The following ZSCAN10 variants were observed in gnomAD, a reference collection of about 807,000 sequenced individuals.
ZSCAN10 encodes the protein zinc finger and SCAN domain-containing protein 10.
Under a neutral mutation model 63.7 loss-of-function variants are expected in ZSCAN10, and 52 were observed. The ratio of observed to expected loss-of-function variants is 0.82; its 90% CI spans 0.65 to 1.03. The LOEUF (loss-of-function observed/expected upper bound fraction) is 1.03, where lower values mean the gene tolerates loss of function less well. Among genes scored for constraint, ZSCAN10 ranks in the 50% least tolerant of loss-of-function variants. The pLI is 0.00. For synonymous variants in ZSCAN10, 544 were observed against 479.6 expected, an observed-to-expected ratio of 1.13 and a Z score of -1.76; for missense variants, 1,223 against 1,103.8, an observed-to-expected ratio of 1.11 and a Z score of -1.53.
At chr16:3,093,772 C>A (rs920707387) in intron 1 of ZSCAN10, among the ~76,000 whole-genome samples, 2 of 150,840 alleles carry the variant, frequency 1.3e-5, no homozygotes. Context: ...CCTCCACCTC[C>A]CAGGTTCAAG....
rs1164256960 is a variant in ZSCAN10 at position 3,089,299 on chromosome 16, T to C, written c.2135A>G (p.His712Arg). The C allele has an allele frequency of 1.3e-6, 2 of 1,569,034 alleles. No individual in the cohort carries two copies. Among genetic ancestry groups the C allele is most frequent in the African/African-American group, 1.4e-5 (1 of 73,680 alleles). The change falls in exon 6 of 6, where the codon CAT becomes CGT. Residue 712 changes from histidine (H) to arginine (R), a missense_variant. Coordinates refer to ENST00000576985, the MANE Select transcript of ZSCAN10 (RefSeq NM_032805.3). ...GGCCTGCTCCTGCCCGGGCTCCGCA[T>C]GGGTAGCCAGGTGCCGCCGCAGATG... ...NAHLRRHLATHAEPGQEQAEP... is the reference protein window; with the variant it reads ...NAHLRRHLATRAEPGQEQAEP...
At chr16:3,097,293 G>A (rs1224195417) in intron 1 of ZSCAN10, among the ~76,000 whole-genome samples, 1 of 151,990 alleles carries the variant, frequency 6.6e-6, no homozygotes, top group Non-Finnish European at 1.5e-5. Context: ...GGTGATTCTA[G>A]AACATGACCC....
intron 4 of ZSCAN10, 61 bp downstream of exon 4, chr16:3,091,703 A>T: frequency 6.2e-7 from 1 of 1,603,736 alleles, no homozygotes; most frequent in Non-Finnish European, 8.5e-7. Context: ...GGATTTGCTA[A>T]AACTACAGGG....
chr16:3,097,820 A>G (rs1957171243), intron 1 of ZSCAN10, among the ~76,000 whole-genome samples: 1 of 152,188 alleles, frequency 6.6e-6, no homozygotes, highest in African/African-American at 2.4e-5. Flanking sequence ...GATTCTGGCC[A>G]TCTCGAAGGA....
rs1451123282 is a variant in ZSCAN10, at chr16:3,090,202, T to C, written c.1232A>G (p.His411Arg). 1 of 1,605,696 alleles carries C rather than the reference T, an allele frequency of 6.2e-7. No individual in the cohort carries two copies. Among genetic ancestry groups the C allele is most frequent in the Non-Finnish European group, 8.5e-7 (1 of 1,179,208 alleles). Reference sequence around the variant, plus strand: ...CAGGTGCGAGCTCTGGCGGAAGCGGTGGCCGCACAGGTGGCAGGCGTGCGG... The same window carrying C: ...CAGGTGCGAGCTCTGGCGGAAGCGGCGGCCGCACAGGTGGCAGGCGTGCGG... ...ERPHACHLCG[H>R]RFRQSSHLSK... Residue 411 changes from histidine (H) to arginine (R), a missense_variant, in exon 6 of 6, where the codon CAC (histidine) becomes CGC (arginine). Coordinates refer to ENST00000576985, the MANE Select transcript of ZSCAN10 (RefSeq NM_032805.3).
intron 3 of ZSCAN10, 26 bp from the exon 4 acceptor site, chr16:3,091,854 G>T (rs970650748): frequency 1.6e-5 from 25 of 1,576,878 alleles, no homozygotes; most frequent in Non-Finnish European, 2.2e-5. Context: ...AAGAGGGGAG[G>T]AAGTGCTGTT....
chr16:3,089,859 G>T lies in ZSCAN10; in HGVS notation c.1575C>A (p.Ser525Arg), dbSNP rs755753303. The change falls in exon 6 of 6, where the codon AGC (serine) becomes AGA (arginine). Residue 525 changes from serine to arginine, a missense_variant. By Grantham distance (110) the Ser-to-Arg change is moderately radical (BLOSUM62 -1). Coordinates refer to ENST00000576985, the MANE Select transcript of ZSCAN10 (RefSeq NM_032805.3). ...TGCGCCGGAAGGCCTTGCCGCAGTC[G>T]CTGCACACGAAGGGCCTCCGGTCGG... The part of the protein sequence containing the change: ...RDSDRRPFVC[S>R]DCGKAFRRSE... The T allele has an allele frequency of 6.5e-7, 1 of 1,542,038 alleles. No homozygotes were observed. The highest frequency in any genetic ancestry group is 2.4e-5 in the East Asian group (1 of 41,310).
intron 1 of ZSCAN10, among the ~76,000 whole-genome samples, chr16:3,098,258 C>A (rs995199661): frequency 6.6e-6 from 1 of 151,964 alleles, no homozygotes; most frequent in African/African-American, 2.4e-5. Context: ...CCCAGTCCAG[C>A]CCACGCACGA....
At chr16:3,093,514 CAAAA>C (rs544794714) in intron 1 of ZSCAN10, among the ~76,000 whole-genome samples, 4 of 90,344 alleles carry the variant, frequency 4.4e-5, no homozygotes, top group African/African-American at 4.0e-5. Flanking sequence ...AGACTCAGAT[CAAAA>C]AAAAAAAAAA....
intron 1 of ZSCAN10, among the ~76,000 whole-genome samples, chr16:3,095,172 G>A (rs948828300): frequency 6.6e-6 from 1 of 150,826 alleles, no homozygotes; most frequent in African/African-American, 2.4e-5. Context: ...TGAGCCTCAG[G>A]AGTTCAAGAC....
chr16:3,092,445 T>C (rs1957095285), intron 2 of ZSCAN10, 97 bp downstream of exon 2: 2 of 1,479,950 alleles, frequency 1.4e-6, no homozygotes, highest in Non-Finnish European at 1.8e-6. Context: ...GAAGGAATGG[T>C]CAGGTGGGGG....
At chr16:3,091,632 A>C in intron 4 of ZSCAN10, 35 bp from the exon 5 acceptor site, 2 of 1,613,642 alleles carry the variant, frequency 1.2e-6, no homozygotes, top group Non-Finnish European at 1.7e-6. Context: ...GTGAGTGAGG[A>C]ACATGCCTCA....
chr16:3,091,834 G>T lies in ZSCAN10; in HGVS notation c.665-6C>A, dbSNP rs575104118. ...TGGTGAGGGGCCCTGGGGACCTGAC[G>T]GCATTGGGGAAGAGGGGAGGAAGTG... On this transcript the variant is annotated splice_region_variant and splice_polypyrimidine_tract_variant and intron_variant, in intron 3 of 5. Coordinates refer to ENST00000576985, the MANE Select transcript of ZSCAN10 (RefSeq NM_032805.3). The T allele has an allele frequency of 6.4e-7, 1 of 1,573,222 alleles. No homozygotes were observed. The highest frequency in any genetic ancestry group is 8.6e-7 in the Non-Finnish European group (1 of 1,159,422).
intron 2 of ZSCAN10, 40 bp from the exon 3 acceptor site, chr16:3,092,356 G>A: frequency 6.4e-7 from 1 of 1,560,728 alleles, no homozygotes. Flanking sequence ...TCCCGGGGTG[G>A]CAACCTGTGT....
Position 3,092,943 on chromosome 16 carries a change from A to G in ZSCAN10, c.-6T>C. On this transcript the variant is annotated 5_prime_UTR_variant, in exon 2 of 6. Transcript: ENST00000576985. Reference sequence around the variant, plus strand: ...GGGACTGATTCTCCAAGCATCCTTCACTGCGGGGATGCCTCCCTAACGCCA... The same window carrying G: ...GGGACTGATTCTCCAAGCATCCTTCGCTGCGGGGATGCCTCCCTAACGCCA... The G allele has an allele frequency of 7.1e-7, 1 of 1,412,416 alleles. No homozygotes were observed. Among genetic ancestry groups the G allele is most frequent in the East Asian group, 2.6e-5 (1 of 37,810 alleles). The allele number at this position is 1,412,416 out of a possible 1,614,324, so 87.5% of individuals were successfully genotyped here.
In ZSCAN10 at chr16:3,092,193, C is replaced by A; in HGVS notation, c.520G>T (p.Val174Leu). 6.2e-7 allele frequency: 1 copy of A among 1,612,822 alleles called. No homozygotes were observed. Among genetic ancestry groups the A allele is most frequent in the Non-Finnish European group, 8.5e-7 (1 of 1,180,024 alleles). ...KKELPAEEPS[V>L]LGPSDEPPRP... ...GGAGGCTCATCCGATGGGCCCAGCA[C>A]TGAAGGCTCTTCCGCAGGCAATTCC... The change falls in exon 3 of 6, where the codon GTG (valine) becomes TTG (leucine). Residue 174 changes from valine to leucine, a missense_variant. Val to Leu is a conservative substitution (Grantham distance 32). Coordinates refer to ENST00000576985, the MANE Select transcript of ZSCAN10 (RefSeq NM_032805.3).
At chr16:3,092,513 C>A (rs767948309) in intron 2 of ZSCAN10, 29 bp downstream of exon 2, 17 of 1,472,512 alleles carry the variant, frequency 1.2e-5, no homozygotes, top group Non-Finnish European at 1.5e-5. Flanking sequence ...CATCCGCATG[C>A]TGCTCAGCCC....
chr16:3,095,093 G>A (rs959556514), intron 1 of ZSCAN10, among the ~76,000 whole-genome samples: 2 of 152,124 alleles, frequency 1.3e-5, no homozygotes, highest in Admixed American at 6.6e-5. Flanking sequence ...TTTTCAAAAT[G>A]AAAGGTTAGC....
Position 3,089,317 on chromosome 16 carries a change from C to A in ZSCAN10, c.2117G>T (p.Arg706Leu), listed in dbSNP as rs764768957. The change falls in exon 6 of 6, where the codon CGG becomes CTG. Residue 706 changes from arginine to leucine, a missense_variant. Transcript: ENST00000576985. ...CTCCGCATGGGTAGCCAGGTGCCGC[C>A]GCAGATGCGCGTTGCGCCGGAAGCT... ...GRSFRRNAHL[R>L]RHLATHAEPG... 1.9e-6 allele frequency: 3 copies of A among 1,576,220 alleles called. No homozygotes were observed. Among genetic ancestry groups the A allele is most frequent in the Non-Finnish European group, 2.6e-6 (3 of 1,167,492 alleles).
Sources: gnomAD v4.1 joint callset for allele counts (sites outside exome capture counted in the v4.1 genomes callset) on GRCh38, gnomAD v4.1.1 for gene constraint, MANE v1.5 for transcripts, NCBI Gene and HGNC (gene_info 2026-07-23, HGNC 2026-07-21) for gene names.